NVL: variants seen among roughly 807,000 people sequenced by gnomAD.
NVL encodes the protein nuclear VCP like, also known as nuclear valosin-containing protein-like.
Under a neutral mutation model 110.2 loss-of-function variants are expected in NVL, and 84 were observed. That is an observed-to-expected ratio of 0.76 (90% CI 0.64 to 0.91). The LOEUF (loss-of-function observed/expected upper bound fraction) is 0.91, where lower values mean the gene tolerates loss of function less well. Ranked by LOEUF, NVL falls within the 40% of genes least tolerant of loss-of-function variation. The probability of loss-of-function intolerance (pLI) is 0.00; values close to 1 mark genes in which losing one functional copy is unlikely to be tolerated. For missense variants in NVL, 882 were observed against 1,035.9 expected (o/e 0.85, Z 2.04); for synonymous variants, 354 against 361.1 (o/e 0.98, Z 0.22).
chr1:224,281,056 T>TGCATG, intron 16 of NVL, 67 bp downstream of exon 16: 1 of 1,352,638 alleles, frequency 7.4e-7, no homozygotes, highest in Non-Finnish European at 1.1e-6. Context: ...GAGAACATTT[T>TGCATG]ACCCCGTAAT....
intron 19 of NVL, among the ~76,000 whole-genome samples, chr1:224,241,052 G>A (rs1281769223): frequency 1.1e-4 from 17 of 152,116 alleles, no homozygotes; most frequent in Admixed American, 1.1e-3. Context: ...GCCTCCCAAA[G>A]TGCTGGGATT....
intron 9 of NVL, chr1:224,303,137 A>T (rs761343153): frequency 1.2e-5 from 2 of 171,292 alleles, no homozygotes; most frequent in Non-Finnish European, 2.6e-5. Context: ...AGGTTTGTTT[A>T]AAACCGTATT....
intron 15 of NVL, among the ~76,000 whole-genome samples, chr1:224,284,671 T>C (rs1290862659): frequency 6.6e-6 from 1 of 152,026 alleles, no homozygotes. Flanking sequence ...TGAGCTACCA[T>C]GCCTGGCCAA....
chr1:224,291,166 T>C (rs928964256), intron 12 of NVL, among the ~76,000 whole-genome samples: 1 of 152,204 alleles, frequency 6.6e-6, no homozygotes, highest in African/African-American at 2.4e-5. Context: ...GCAAAGCACA[T>C]AAAACAATGG....
intron 19 of NVL, among the ~76,000 whole-genome samples, chr1:224,246,190 C>T (rs1047235671): frequency 6.6e-6 from 1 of 152,074 alleles, no homozygotes; most frequent in Non-Finnish European, 1.5e-5. Flanking sequence ...ACCATCACAC[C>T]CAGCTAATCT....
At chr1:224,330,010 AGT>A in intron 1 of NVL, 59 bp downstream of exon 1, 4 of 1,507,340 alleles carry the variant, frequency 2.7e-6, no homozygotes, top group Non-Finnish European at 3.7e-6. Flanking sequence ...ACAAAAGGGG[AGT>A]GGCACCCTGG....
chr1:224,327,684 T>C (rs1404243759), intron 1 of NVL, among the ~76,000 whole-genome samples: 2 of 151,904 alleles, frequency 1.3e-5, no homozygotes, highest in East Asian at 3.9e-4. Context: ...GATATTCATT[T>C]GTACTTTTAT....
At chr1:224,296,967 A>C (rs1238555924) in intron 10 of NVL, among the ~76,000 whole-genome samples, 1 of 152,206 alleles carries the variant, frequency 6.6e-6, no homozygotes, top group Non-Finnish European at 1.5e-5. Flanking sequence ...GCACAGAAAA[A>C]AAAACTTAAG....
intron 2 of NVL, 151 bp from the exon 3 acceptor site, chr1:224,318,081 T>A (rs1670269294): frequency 5.7e-6 from 3 of 523,502 alleles, no homozygotes; most frequent in Non-Finnish European, 9.8e-6. Context: ...CTTCTAAGTT[T>A]ATATATTTAC....
intron 7 of NVL, 61 bp downstream of exon 7, chr1:224,304,973 C>A (rs1454795887): frequency 1.3e-6 from 2 of 1,593,550 alleles, no homozygotes; most frequent in East Asian, 2.2e-5. Context: ...TAGCTTGGGA[C>A]AGAATGATGC....
At chr1:224,312,025 C>G in intron 4 of NVL, 168 bp from the exon 5 acceptor site, 1 of 577,520 alleles carries the variant, frequency 1.7e-6, no homozygotes, top group Non-Finnish European at 3.0e-6. Flanking sequence ...CCAGTTATTA[C>G]TTAACCTCTC....
intron 19 of NVL, among the ~76,000 whole-genome samples, chr1:224,247,364 C>T (rs1217213207): frequency 1.3e-5 from 2 of 151,808 alleles, no homozygotes; most frequent in African/African-American, 4.8e-5. Flanking sequence ...TGCCACTATG[C>T]CCAACTAATT....
At chr1:224,234,791 G>A (rs1660284583) in intron 20 of NVL, among the ~76,000 whole-genome samples, 1 of 152,066 alleles carries the variant, frequency 6.6e-6, no homozygotes, top group South Asian at 2.1e-4. Flanking sequence ...CTCTCAAACT[G>A]TAATTATAGT....
intron 19 of NVL, among the ~76,000 whole-genome samples, chr1:224,240,740 A>G (rs188202364): frequency 1.3e-5 from 2 of 151,722 alleles, no homozygotes; most frequent in East Asian, 3.9e-4. Flanking sequence ...AGAAAAAGAA[A>G]TAATTTCAAG....
chr1:224,280,160 T>C (rs1666176852), intron 16 of NVL, among the ~76,000 whole-genome samples: 1 of 149,832 alleles, frequency 6.7e-6, no homozygotes, highest in African/African-American at 2.5e-5. Context: ...AAGCTTTAAG[T>C]GTACTGCTGT....
chr1:224,252,360 G>C (rs10916569), intron 18 of NVL, among the ~76,000 whole-genome samples: 1 of 151,950 alleles, frequency 6.6e-6, no homozygotes, highest in Admixed American at 6.6e-5. Flanking sequence ...CCTCCACAAA[G>C]ACCCCATTTT....
intron 10 of NVL, 140 bp downstream of exon 10, chr1:224,300,422 T>C (rs1668286090): frequency 9.2e-6 from 5 of 545,326 alleles, no homozygotes; most frequent in African/African-American, 5.7e-5. Context: ...TTAGCCATCA[T>C]GCATAGCAAA....
intron 19 of NVL, among the ~76,000 whole-genome samples, chr1:224,247,112 G>T (rs1195954593): frequency 6.6e-6 from 1 of 151,476 alleles, no homozygotes; most frequent in Non-Finnish European, 1.5e-5. Flanking sequence ...CTATGATGCA[G>T]TCATCATCAA....
chr1:224,296,256 T>TATTTTTAGAGGTAAATCTAA (rs1268068545), intron 11 of NVL, among the ~76,000 whole-genome samples: 4 of 152,176 alleles, frequency 2.6e-5, no homozygotes, highest in Non-Finnish European at 5.9e-5. Context: ...TCTTTTTATT[T>TATTTTTAGAGGTAAATCTAA]ATTTTTAGAG....
Sources: allele counts gnomAD v4.1 joint callset (sites outside exome capture counted in the v4.1 genomes callset), GRCh38; gene constraint gnomAD v4.1.1; transcripts MANE v1.5; gene names NCBI Gene and HGNC (gene_info 2026-07-23, HGNC 2026-07-21).